LSS: variants seen among roughly 807,000 people sequenced by gnomAD.
The protein encoded by LSS is 2,3-epoxysqualene-lanosterol cyclase.
A neutral mutation model predicts 110.3 loss-of-function variants in LSS; 90 were observed. That is an observed-to-expected ratio of 0.82 (90% CI 0.69 to 0.97). The LOEUF is 0.97. Ranked by LOEUF, LSS falls within the 50% of genes least tolerant of loss-of-function variation. The probability of loss-of-function intolerance (pLI) is 0.00; values close to 1 mark genes in which losing one functional copy is unlikely to be tolerated. For missense variants in LSS, 927 were observed against 990.0 expected (o/e 0.94, Z 0.85); for synonymous variants, 433 against 400.0 (o/e 1.08, Z -0.98).
At position 46,209,556 on chromosome 21, in the gene LSS, G is replaced by C. The variant is rs777582592; in HGVS notation, c.1264C>G (p.Gln422Glu). 5.2e-5 allele frequency: 83 copies of C among 1,604,804 alleles called. No individual in the cohort carries two copies. The highest frequency in any genetic ancestry group is 7.0e-5 in the Non-Finnish European group (82 of 1,176,178). Reference sequence around the variant, plus strand: ...AGAGCCCCAGGCACCGGCCTCACCTGTGAGAGCCTCAGGAACTCATGAGCC... The same window carrying C: ...AGAGCCCCAGGCACCGGCCTCACCTCTGAGAGCCTCAGGAACTCATGAGCC... ...QKAHEFLRLS[Q>E]VPDNPPDYQK... Residue 422 changes from glutamine (Q) to glutamate (E), a missense_variant and splice_region_variant, in exon 13 of 22, where the codon CAG becomes GAG. Gln to Glu is a conservative substitution (Grantham distance 29). Transcript: ENST00000397728. This position sits in a 1 kb window ranked among gnomAD's most constrained non-coding sequence, Gnocchi z 4.4.
chr21:46,208,743 A>G (rs1479862210), intron 13 of LSS, among the ~76,000 whole-genome samples: 3 of 152,206 alleles, frequency 2.0e-5, no homozygotes, highest in African/African-American at 7.2e-5. Context: ...AGCCTCCCCA[A>G]GTCCCCATCA....
rs2080161292 is a variant in LSS, at chr21:46,213,576, A to C, written c.1109+162T>G. Among the ~76,000 whole-genome samples the C allele has an allele frequency of 2.0e-5, 3 of 152,196 alleles. No individual in the cohort carries two copies. The South Asian group carries it at 6.2e-4, about 32-fold the overall frequency. On this transcript the variant is annotated intron_variant, in intron 10 of 21. Transcript: ENST00000397728. ...GTGGCAAATCTTCCAATTCAAAGAC[A>C]ACCCTCAGTGGCTTCCACAAGCCCT...
At chr21:46,217,012 C>T (rs1461067390) in intron 6 of LSS, among the ~76,000 whole-genome samples, 2 of 151,892 alleles carry the variant, frequency 1.3e-5, no homozygotes, top group South Asian at 4.2e-4. Flanking sequence ...TTTGGGAGGC[C>T]GAGGCTGGTG....
rs2079794996 is a variant in LSS at position 46,190,527 on chromosome 21, A to C, written c.*577T>G. The C allele has an allele frequency of 6.4e-6, 1 of 155,822 alleles. No individual in the cohort carries two copies. Among genetic ancestry groups the C allele is most frequent in the Admixed American group, 6.1e-5 (1 of 16,406 alleles). The allele number at this position is 155,822 out of a possible 1,614,324, so 9.7% of individuals were successfully genotyped here. The stretch of plus-strand genomic sequence containing the variant: ...CACCACCCCATACGCAGGCAAGCTC[A>C]CGACCCAGGGGCATGGGGCTCCCTG... On this transcript the variant is annotated 3_prime_UTR_variant, in exon 22 of 22. Coordinates refer to ENST00000397728, the MANE Select transcript of LSS (RefSeq NM_002340.6). The surrounding 1 kb of genome is among the most constrained non-coding windows in gnomAD (Gnocchi z 4.6).
chr21:46,222,857 C>A (rs949277228), intron 3 of LSS, 119 bp from the exon 4 acceptor site: 3 of 737,256 alleles, frequency 4.1e-6, no homozygotes, highest in Admixed American at 2.4e-5. Flanking sequence ...CATAAAAACA[C>A]CCCCTGGAAA....
At chr21:46,210,633 G>C in intron 12 of LSS, 55 bp downstream of exon 12, 4 of 1,561,266 alleles carry the variant, frequency 2.6e-6, no homozygotes, top group Non-Finnish European at 3.5e-6. Context: ...GGATGCGTGG[G>C]CTCACGTGCA....
At chr21:46,218,105 C>CT (rs201699983) in intron 6 of LSS, among the ~76,000 whole-genome samples, 1 of 129,978 alleles carries the variant, frequency 7.7e-6, no homozygotes, top group East Asian at 2.8e-4. Context: ...CCCCCCACCC[C>CT]CCACCCCCGC....
chr21:46,206,822 C>T (rs543870939), intron 15 of LSS, 54 bp from the exon 16 acceptor site: 6 of 1,340,414 alleles, frequency 4.5e-6, no homozygotes, highest in Admixed American at 1.7e-5. Flanking sequence ...CACACACAGG[C>T]GCCCAGGGCA....
chr21:46,194,669 G>A lies in LSS; in HGVS notation c.1818-8C>T. ...ACCTCTGCACAGGCAGTCCTGCAAA[G>A]ACCAGAGACAGGAGACACCATCACA... On this transcript the variant is annotated splice_polypyrimidine_tract_variant and splice_region_variant and intron_variant, in intron 19 of 21. Transcript: ENST00000397728. The A allele has an allele frequency of 6.2e-7, 1 of 1,609,728 alleles. No homozygotes were observed. Among genetic ancestry groups the A allele is most frequent in the South Asian group, 1.1e-5 (1 of 90,942 alleles).
At chr21:46,227,460 C>A (rs2123769099) in intron 3 of LSS, 92 bp downstream of exon 3, 2 of 1,489,550 alleles carry the variant, frequency 1.3e-6, no homozygotes, top group Admixed American at 2.3e-5. Context: ...GGATTTTCAC[C>A]TGCTTCATCA....
chr21:46,204,366 A>G (rs2080018905), intron 17 of LSS, among the ~76,000 whole-genome samples: 1 of 152,150 alleles, frequency 6.6e-6, no homozygotes, highest in Non-Finnish European at 1.5e-5. Flanking sequence ...TCTCTTTAAA[A>G]ACAGAATCAA....
At chr21:46,196,176 G>C in intron 18 of LSS, 26 bp downstream of exon 18, 1 of 1,610,578 alleles carries the variant, frequency 6.2e-7, no homozygotes, top group East Asian at 2.2e-5. Context: ...GTGCATCTCT[G>C]CACTCACGAG....
chr21:46,200,775 A>G (rs2079968327), intron 17 of LSS, among the ~76,000 whole-genome samples: 1 of 152,252 alleles, frequency 6.6e-6, no homozygotes, highest in Admixed American at 6.5e-5. Context: ...AATGCAACCC[A>G]TGATATTGGA....
intron 11 of LSS, among the ~76,000 whole-genome samples, chr21:46,211,318 TC>T (rs1354020999): frequency 1.3e-5 from 2 of 152,126 alleles, no homozygotes; most frequent in African/African-American, 2.4e-5. Context: ...TTTAGTAGCA[TC>T]GGGGTTTCAC....
chr21:46,210,526 C>A lies in LSS; in HGVS notation c.1194+162G>T, dbSNP rs1203117821. Among the ~76,000 whole-genome samples the A allele has an allele frequency of 2.6e-5, 4 of 152,326 alleles. No individual in the cohort carries two copies. In the East Asian group the frequency reaches 7.7e-4, roughly 29 times the overall value. On this transcript the variant is annotated intron_variant, in intron 12 of 21. Coordinates refer to ENST00000397728, the MANE Select transcript of LSS (RefSeq NM_002340.6). ...CAAGGCTGCTGGCCAAGGCCGCCCC[C>A]TCCACAGCACGACCCTCTGAAGCCA...
At position 46,195,763 on chromosome 21, in the gene LSS, G is replaced by C; in HGVS notation, c.1737-7C>G. The C allele has an allele frequency of 6.2e-7, 1 of 1,612,510 alleles. No individual in the cohort carries two copies. Among genetic ancestry groups the C allele is most frequent in the Non-Finnish European group, 8.5e-7 (1 of 1,178,944 alleles). On this transcript the variant is annotated splice_polypyrimidine_tract_variant and splice_region_variant and intron_variant, in intron 18 of 21. Coordinates refer to ENST00000397728, the MANE Select transcript of LSS (RefSeq NM_002340.6). ...GAAGCAAACTCCCCAGGAGCTGGAG[G>C]GAAACAGGGAGAGCCTCAGCCCTTC...
At chr21:46,192,839 GCA>G (rs2079843439) in intron 20 of LSS, 1 of 450,068 alleles carries the variant, frequency 2.2e-6, no homozygotes, top group African/African-American at 2.1e-5. Flanking sequence ...TCTGTGTGTG[GCA>G]CAGATGGGAT....
chr21:46,198,035 T>C (rs747032519), intron 17 of LSS, among the ~76,000 whole-genome samples: 8 of 151,988 alleles, frequency 5.3e-5, no homozygotes, highest in Admixed American at 3.3e-4. Context: ...GACACAAATA[T>C]ATAATCATCT....
intron 5 of LSS, among the ~76,000 whole-genome samples, chr21:46,221,014 G>A (rs1157715277): frequency 1.3e-5 from 2 of 150,540 alleles, no homozygotes; most frequent in Non-Finnish European, 3.0e-5. Context: ...GCCGGGGCTT[G>A]GATAGGTGGA....
Sources: allele counts gnomAD v4.1 joint callset (sites outside exome capture counted in the v4.1 genomes callset), GRCh38; gene constraint gnomAD v4.1.1; non-coding constraint Gnocchi (gnomAD v3.1); transcripts MANE v1.5; gene names NCBI Gene and HGNC (gene_info 2026-07-23, HGNC 2026-07-21).